Variants in MED15 observed in about 807,000 individuals in gnomAD.
MED15 encodes mediator of RNA polymerase II transcription subunit 15.
Under a neutral mutation model 118.7 loss-of-function variants are expected in MED15, and 41 were observed. The ratio of observed to expected loss-of-function variants is 0.35; its 90% CI spans 0.27 to 0.45. The LOEUF is 0.45. Among genes scored for constraint, MED15 ranks in the 20% least tolerant of loss-of-function variants. MED15 has a pLI of 1.00. For missense variants in MED15, 740 were observed against 1,025.5 expected, an observed-to-expected ratio of 0.72 and a Z score of 3.80; for synonymous variants, 436 against 413.9, an observed-to-expected ratio of 1.05 and a Z score of -0.65.
chr22:20,518,861 G>A, intron 1 of MED15: 2 of 453,056 alleles, frequency 4.4e-6, no homozygotes, highest in South Asian at 1.6e-5. Flanking sequence ...TCATTTATTT[G>A]TTTGTTTATT....
intron 3 of MED15, chr22:20,552,459 TG>T (rs2055818012): frequency 8.4e-6 from 3 of 358,448 alleles, no homozygotes; most frequent in South Asian, 6.4e-5. Context: ...GGAAAGTCAC[TG>T]GGATGTGTAA....
intron 7 of MED15, among the ~76,000 whole-genome samples, chr22:20,568,003 C>A (rs2056505324): frequency 6.6e-6 from 1 of 152,226 alleles, no homozygotes; most frequent in Non-Finnish European, 1.5e-5. Context: ...CCACACCTAG[C>A]CAAATTTTTG....
At chr22:20,514,726 G>A (rs1424279889) in intron 1 of MED15, among the ~76,000 whole-genome samples, 1 of 152,206 alleles carries the variant, frequency 6.6e-6, no homozygotes, top group Admixed American at 6.5e-5. Context: ...CAACTGAACA[G>A]CAACTTCCAA....
chr22:20,520,245 A>G (rs2054398979), intron 1 of MED15, among the ~76,000 whole-genome samples: 1 of 152,128 alleles, frequency 6.6e-6, no homozygotes, highest in African/African-American at 2.4e-5. Context: ...GACTCATCCC[A>G]CGTGCCCGCT....
chr22:20,582,738 C>A lies in MED15; in HGVS notation c.1400C>A (p.Ser467Tyr). 1 of 1,590,768 alleles carries A rather than the reference C, an allele frequency of 6.3e-7. No homozygotes were observed. The highest frequency in any genetic ancestry group is 1.1e-5 in the South Asian group (1 of 89,902). ...GGCCAGCCCAGCTCACAGCCCAACT[C>A]CAACGTCAGGTAGGCCTGGCCTGGG... ...QPGQPSSQPNSNVSSGPAPSP... is the reference protein window; with the variant it reads ...QPGQPSSQPNYNVSSGPAPSP... The change falls in exon 10 of 18, where the codon TCC becomes TAC. Residue 467 changes from serine to tyrosine, a missense_variant. This residue lies in a region of MED15 where 384 missense variants were observed against 506.3 expected (regional missense o/e 0.76). Transcript: ENST00000263205.
chr22:20,515,191 G>C (rs116522857), intron 1 of MED15, among the ~76,000 whole-genome samples: 5,481 of 152,224 alleles, frequency 0.036, 304 homozygotes, highest in African/African-American at 0.12. Context: ...CAGCTGACGT[G>C]CGGCAGGCAT....
At chr22:20,551,369 G>A (rs781623231) in intron 2 of MED15, 67 bp from the exon 3 acceptor site, 34 of 1,438,578 alleles carry the variant, frequency 2.4e-5, no homozygotes, top group Non-Finnish European at 3.3e-5. Flanking sequence ...CGAGGGGGCG[G>A]GAAGGGGGAG....
intron 1 of MED15, among the ~76,000 whole-genome samples, chr22:20,533,923 C>T (rs986864999): frequency 6.6e-6 from 1 of 152,216 alleles, no homozygotes; most frequent in Non-Finnish European, 1.5e-5. Flanking sequence ...TCTTGTCTCT[C>T]TGACTGTGCC....
At chr22:20,576,954 T>C (rs948115974) in intron 9 of MED15, among the ~76,000 whole-genome samples, 1 of 152,206 alleles carries the variant, frequency 6.6e-6, no homozygotes, top group Non-Finnish European at 1.5e-5. Flanking sequence ...ATGACTTTAG[T>C]AGCAGCATGT....
rs765866338 is a variant in MED15 at position 20,582,689 on chromosome 22, C to T, written c.1351C>T (p.Pro451Ser). 1 of 1,594,488 alleles carries T rather than the reference C, an allele frequency of 6.3e-7. No homozygotes were observed. Among genetic ancestry groups the T allele is most frequent in the Non-Finnish European group, 8.5e-7 (1 of 1,176,384 alleles). Reference sequence around the variant, plus strand: ...GCAGACCCCGCAGTCGATGCCCCCTCCCCCCCAGCCGTCCCCGCAGCCCGG... The same window carrying T: ...GCAGACCCCGCAGTCGATGCCCCCTTCCCCCCAGCCGTCCCCGCAGCCCGG... The part of the protein sequence containing the change: ...QVQTPQSMPP[P>S]PQPSPQPGQP... The change falls in exon 10 of 18, where the codon CCC (proline) becomes TCC (serine). Residue 451 changes from proline to serine, a missense_variant. Pro to Ser is a moderately conservative substitution (Grantham distance 74, BLOSUM62 -1). This residue lies in a region of MED15 where 384 missense variants were observed against 506.3 expected (regional missense o/e 0.76). Coordinates refer to ENST00000263205, the MANE Select transcript of MED15 (RefSeq NM_001003891.3).
intron 16 of MED15, 42 bp downstream of exon 16, chr22:20,585,309 C>T: frequency 6.2e-7 from 1 of 1,600,208 alleles, no homozygotes; most frequent in Non-Finnish European, 8.5e-7. Context: ...GAAAGCAGGC[C>T]CTGACCGCAG....
intron 1 of MED15, among the ~76,000 whole-genome samples, chr22:20,515,820 T>C (rs1022972529): frequency 6.0e-5 from 9 of 150,242 alleles, no homozygotes; most frequent in African/African-American, 2.2e-4. Flanking sequence ...CTGGCCAAGA[T>C]AATAAAACCT....
chr22:20,583,093 C>T lies in MED15; in HGVS notation c.1538-20C>T, dbSNP rs768264058. 2.6e-6 allele frequency: 4 copies of T among 1,568,162 alleles called. No individual in the cohort carries two copies. The South Asian group carries it at 3.5e-5, about 14-fold the overall frequency. On this transcript the variant is annotated intron_variant, in intron 11 of 17. Coordinates refer to ENST00000263205, the MANE Select transcript of MED15 (RefSeq NM_001003891.3). ...ACCCGAGGGTCGAGGGCTGTGGCCT[C>T]ACCCGCCTGTGTCCTGCAGTGAACC...
chr22:20,546,458 C>T (rs1389135282), intron 2 of MED15, among the ~76,000 whole-genome samples: 1 of 147,482 alleles, frequency 6.8e-6, no homozygotes, highest in Non-Finnish European at 1.5e-5. Context: ...TTAATTAGGG[C>T]TTGTAGACTA....
At chr22:20,569,068 A>G (rs1000357484) in intron 8 of MED15, among the ~76,000 whole-genome samples, 3 of 152,274 alleles carry the variant, frequency 2.0e-5, no homozygotes, top group African/African-American at 7.2e-5. Flanking sequence ...GCGTGGGAGA[A>G]GGCATCCTGG....
rs2057090365 is a variant in MED15, at chr22:20,584,958, A to G, written c.1907A>G (p.His636Arg). The G allele has an allele frequency of 6.2e-7, 1 of 1,613,708 alleles. No individual in the cohort carries two copies. The highest frequency in any genetic ancestry group is 1.7e-5 in the Admixed American group (1 of 59,990). The stretch of plus-strand genomic sequence containing the variant: ...AACATCCGCTCACCTGTCTTCAACC[A>G]TTCCCTGTACCGCACATTCGTTCCA... Reference protein sequence around the residue: ...LANIRSPVFNHSLYRTFVPAM... With the variant: ...LANIRSPVFNRSLYRTFVPAM... The change falls in exon 15 of 18, where the codon CAT becomes CGT. Residue 636 changes from histidine (H) to arginine (R), a missense_variant. Coordinates refer to ENST00000263205, the MANE Select transcript of MED15 (RefSeq NM_001003891.3).
intron 1 of MED15, among the ~76,000 whole-genome samples, chr22:20,533,911 G>C (rs2054952472): frequency 6.6e-6 from 1 of 152,204 alleles, no homozygotes. Flanking sequence ...TGTGTTTCTA[G>C]ATCTTGTCTC....
chr22:20,553,732 T>G (rs983413505), intron 4 of MED15, among the ~76,000 whole-genome samples: 1 of 151,676 alleles, frequency 6.6e-6, no homozygotes, highest in Non-Finnish European at 1.5e-5. Flanking sequence ...AATAGCCGGG[T>G]GTGGTGGCAT....
chr22:20,516,087 CG>C, intron 1 of MED15, among the ~76,000 whole-genome samples: 1 of 151,948 alleles, frequency 6.6e-6, no homozygotes, highest in Middle Eastern at 3.4e-3. Flanking sequence ...GAGGCTGAGG[CG>C]GGCGGATCAC....
Sources: gnomAD v4.1 joint callset for allele counts (sites outside exome capture counted in the v4.1 genomes callset) on GRCh38, gnomAD v4.1.1 for gene constraint, gnomAD v4.1.1 regional missense constraint, MANE v1.5 for transcripts, NCBI Gene and HGNC (gene_info 2026-07-23, HGNC 2026-07-21) for gene names.